Variants in DNAJC15 observed in about 807,000 individuals in gnomAD.
DNAJC15 encodes dnaJ homolog subfamily C member 15.
DNAJC15 carries 27 observed loss-of-function variants against 22.4 expected under a neutral mutation model. That is an observed-to-expected ratio of 1.20 (90% CI 0.89 to 1.66). DNAJC15 has a LOEUF of 1.66. DNAJC15 is among the 40% of genes most tolerant of loss of function. DNAJC15 has a pLI of 0.00. For synonymous variants in DNAJC15, 79 were observed against 63.2 expected, an observed-to-expected ratio of 1.25 and a Z score of -1.19; for missense variants, 208 against 187.1, an observed-to-expected ratio of 1.11 and a Z score of -0.65.
rs541104565 is a variant in DNAJC15, at chr13:43,023,992, A to G, written c.108+258A>G. Among the ~76,000 whole-genome samples the G allele has an allele frequency of 4.6e-5, 7 of 152,342 alleles. No individual in the cohort carries two copies. In the East Asian group the frequency reaches 1.2e-3, roughly 25 times the overall value. On this transcript the variant is annotated intron_variant, in intron 1 of 5. Coordinates refer to ENST00000379221, the MANE Select transcript of DNAJC15 (RefSeq NM_013238.3). ...TGGGACACAAACCAGAAAACAGGCAATTGCAAATACAGTAAAATAAGTGCT... is the reference window on the plus strand; with the variant it reads ...TGGGACACAAACCAGAAAACAGGCAGTTGCAAATACAGTAAAATAAGTGCT...
At chr13:43,024,072 TG>T (rs2040366236) in intron 1 of DNAJC15, among the ~76,000 whole-genome samples, 1 of 152,148 alleles carries the variant, frequency 6.6e-6, no homozygotes, top group South Asian at 2.1e-4. Context: ...GCAGGGGACG[TG>T]GTGGGATCAG....
chr13:43,090,334 CTGTT>C (rs1355766229), intron 5 of DNAJC15, among the ~76,000 whole-genome samples: 3 of 152,352 alleles, frequency 2.0e-5, no homozygotes, highest in South Asian at 4.1e-4. Context: ...CTGAAACTAT[CTGTT>C]TGTTATACTT....
At chr13:43,084,889 A>G (rs2040679919) in intron 4 of DNAJC15, among the ~76,000 whole-genome samples, 1 of 152,222 alleles carries the variant, frequency 6.6e-6, no homozygotes, top group South Asian at 2.1e-4. Context: ...CTGTAAAGGT[A>G]AAAGATAACT....
chr13:43,050,734 T>C (rs894911676), intron 1 of DNAJC15, among the ~76,000 whole-genome samples: 1 of 152,220 alleles, frequency 6.6e-6, no homozygotes, highest in Non-Finnish European at 1.5e-5. Flanking sequence ...TAATTTAGAT[T>C]AAACCCTTTC....
At chr13:43,034,429 C>T (rs776567530) in intron 1 of DNAJC15, among the ~76,000 whole-genome samples, 2 of 151,378 alleles carry the variant, frequency 1.3e-5, no homozygotes, top group Admixed American at 6.6e-5. Flanking sequence ...CATTCTCCCG[C>T]CTCAGCCTCC....
chr13:43,067,444 A>C (rs2040589409), intron 2 of DNAJC15, among the ~76,000 whole-genome samples: 1 of 152,216 alleles, frequency 6.6e-6, no homozygotes, highest in Non-Finnish European at 1.5e-5. Context: ...CTAAACATAA[A>C]GGAATTTTAG....
At chr13:43,028,324 T>C (rs575357671) in intron 1 of DNAJC15, among the ~76,000 whole-genome samples, 1 of 152,318 alleles carries the variant, frequency 6.6e-6, no homozygotes, top group African/African-American at 2.4e-5. Flanking sequence ...CACTTTCTCC[T>C]TTACCTCCAC....
At chr13:43,052,308 G>A (rs537752229) in intron 1 of DNAJC15, among the ~76,000 whole-genome samples, 2 of 152,080 alleles carry the variant, frequency 1.3e-5, no homozygotes, top group East Asian at 1.9e-4. Flanking sequence ...GGAGTAAGGT[G>A]GTATGGCATT....
intron 1 of DNAJC15, among the ~76,000 whole-genome samples, chr13:43,026,168 A>G (rs1329144343): frequency 1.3e-5 from 2 of 152,212 alleles, no homozygotes; most frequent in Admixed American, 1.3e-4. Context: ...ACTTGAACAA[A>G]ACAGTGGAAT....
chr13:43,041,131 G>A (rs569220500), intron 1 of DNAJC15, among the ~76,000 whole-genome samples: 1 of 152,080 alleles, frequency 6.6e-6, no homozygotes, highest in Non-Finnish European at 1.5e-5. Flanking sequence ...CCCTTCCCAC[G>A]AGGCCATATT....
intron 1 of DNAJC15, among the ~76,000 whole-genome samples, chr13:43,060,322 C>T (rs1051145075): frequency 1.3e-5 from 2 of 152,014 alleles, no homozygotes; most frequent in African/African-American, 4.8e-5. Flanking sequence ...GAGCATTTGT[C>T]ATATAGAATT....
Position 43,082,857 on chromosome 13 carries a change from T to TATATATATAC in DNAJC15, c.312-2908_312-2907insTATATACATA, listed in dbSNP as rs144193543. Among the ~76,000 whole-genome samples the TATATATATAC allele has an allele frequency of 5.0e-3, 746 of 149,496 alleles. 2 individuals are homozygous for TATATATATAC. Among genetic ancestry groups the TATATATATAC allele is most frequent in the African/African-American group, 0.014 (561 of 40,712 alleles). On this transcript the variant is annotated intron_variant, in intron 4 of 5. Transcript: ENST00000379221. ...CAGAACATTCACCTATATATATATA[T>TATATATATAC]ATACACACATATATGTGCGTATGCG...
intron 5 of DNAJC15, among the ~76,000 whole-genome samples, chr13:43,099,127 TC>T (rs147543755): frequency 0.015 from 2,221 of 152,266 alleles, 60 homozygotes; most frequent in East Asian, 0.044. Flanking sequence ...TTAAGTTTAT[TC>T]CTATTTTATT....
At chr13:43,093,501 C>G (rs1050540243) in intron 5 of DNAJC15, among the ~76,000 whole-genome samples, 2 of 152,180 alleles carry the variant, frequency 1.3e-5, no homozygotes, top group Non-Finnish European at 2.9e-5. Context: ...GCCTCGGCCT[C>G]TCAGACTCAA....
chr13:43,088,867 G>T (rs2040701356), intron 5 of DNAJC15, among the ~76,000 whole-genome samples: 2 of 149,564 alleles, frequency 1.3e-5, no homozygotes, highest in Non-Finnish European at 1.5e-5. Flanking sequence ...TAGATTTACT[G>T]GACTGTTTGT....
intron 4 of DNAJC15, among the ~76,000 whole-genome samples, chr13:43,081,445 A>T (rs1172819252): frequency 6.7e-6 from 1 of 148,828 alleles, no homozygotes; most frequent in Non-Finnish European, 1.5e-5. Context: ...CACATTTATG[A>T]TTTTTTTTTT....
Position 43,111,650 on chromosome 13 carries a change from A to C in DNAJC15, c.*4402A>C, listed in dbSNP as rs999271189. On this transcript the variant is annotated 3_prime_UTR_variant, in exon 6 of 6. Coordinates refer to ENST00000379221, the MANE Select transcript of DNAJC15 (RefSeq NM_013238.3). The stretch of plus-strand genomic sequence containing the variant: ...ACTTAAGATGAGCTACGGAGACTGC[A>C]GTGAAAAGTTAAATATCCAAGTACA... The C allele has an allele frequency of 1.3e-4, 20 of 152,306 alleles. No individual in the cohort carries two copies. The highest frequency in any genetic ancestry group is 1.0e-3 in the Admixed American group (16 of 15,304). 9.4% of individuals were successfully genotyped at this position (152,306 alleles called of 1,614,324 possible).
At chr13:43,097,103 C>A (rs1257428483) in intron 5 of DNAJC15, among the ~76,000 whole-genome samples, 1 of 152,180 alleles carries the variant, frequency 6.6e-6, no homozygotes, top group Non-Finnish European at 1.5e-5. Context: ...CCCATGATGT[C>A]ATGGATCATA....
In DNAJC15 at chr13:43,051,472, T is replaced by C. The variant is rs542561140; in HGVS notation, c.109-14214T>C. 5.9e-5 allele frequency among the ~76,000 whole-genome samples: 9 copies of C among 152,278 alleles called. No homozygotes were observed. In the East Asian group the frequency reaches 1.7e-3, roughly 29 times the overall value. On this transcript the variant is annotated intron_variant, in intron 1 of 5. Coordinates refer to ENST00000379221, the MANE Select transcript of DNAJC15 (RefSeq NM_013238.3). ...CCACAATCCGTTGTATCAATTCTTATGCCTTGCATCCTCATACCTTAGCTC... is the reference window on the plus strand; with the variant it reads ...CCACAATCCGTTGTATCAATTCTTACGCCTTGCATCCTCATACCTTAGCTC...
Sources: gnomAD v4.1 joint callset for allele counts (sites outside exome capture counted in the v4.1 genomes callset) on GRCh38, gnomAD v4.1.1 for gene constraint, MANE v1.5 for transcripts, NCBI Gene and HGNC (gene_info 2026-07-23, HGNC 2026-07-21) for gene names.